Variants in EHF observed in about 807,000 individuals in gnomAD.
The protein encoded by EHF is ESE3 transcription factor.
In EHF, 14 loss-of-function variants were observed where a neutral mutation model predicts 45.1. The ratio of observed to expected loss-of-function variants is 0.31; its 90% confidence interval spans 0.21 to 0.49. The LOEUF (loss-of-function observed/expected upper bound fraction) is 0.49, where lower values mean the gene tolerates loss of function less well. Ranked by LOEUF, EHF falls within the 20% of genes least tolerant of loss-of-function variation. EHF has a pLI of 0.99. For missense variants in EHF, 282 were observed against 371.4 expected (o/e 0.76, Z 1.98); for synonymous variants, 136 against 131.8 (o/e 1.03, Z -0.22).
chr11:34,648,926 A>C (rs1242309490), intron 3 of EHF, 93 bp from the exon 4 acceptor site: 2 of 1,204,576 alleles, frequency 1.7e-6, no homozygotes, highest in Non-Finnish European at 2.4e-6. Context: ...GGATGGCAGA[A>C]GCTCTGCAAA....
intron 6 of EHF, among the ~76,000 whole-genome samples, chr11:34,655,602 T>C (rs1240183530): frequency 6.6e-6 from 1 of 152,226 alleles, no homozygotes; most frequent in East Asian, 1.9e-4. Flanking sequence ...CCTCTGTTTC[T>C]CAGATCCTCC....
chr11:34,627,845 T>C (rs934091721), intron 1 of EHF, among the ~76,000 whole-genome samples: 2 of 152,244 alleles, frequency 1.3e-5, no homozygotes, highest in Non-Finnish European at 2.9e-5. Flanking sequence ...TTAGCTGCAA[T>C]TGTGACTATC....
At chr11:34,641,053 C>T (rs931015471) in intron 1 of EHF, among the ~76,000 whole-genome samples, 25 of 152,120 alleles carry the variant, frequency 1.6e-4, no homozygotes, top group African/African-American at 4.8e-4. Flanking sequence ...GGCTTGGAAT[C>T]GACCCCAGCT....
chr11:34,636,553 A>G (rs1853424554), intron 1 of EHF, among the ~76,000 whole-genome samples: 2 of 152,230 alleles, frequency 1.3e-5, no homozygotes, highest in Admixed American at 1.3e-4. Context: ...TTTACAAATA[A>G]TCTCATTTAG....
chr11:34,652,308 G>A (rs1359185289), intron 6 of EHF, among the ~76,000 whole-genome samples: 1 of 152,208 alleles, frequency 6.6e-6, no homozygotes, highest in Non-Finnish European at 1.5e-5. Context: ...CAGTTTTTAA[G>A]TCTAATTCCG....
In EHF at chr11:34,642,678, C is replaced by T. The variant is rs946292185; in HGVS notation, c.48C>T (p.Asn16=). 4 of 1,613,930 alleles carry T rather than the reference C, an allele frequency of 2.5e-6. No individual in the cohort carries two copies. In the African/African-American group the frequency reaches 4.0e-5, roughly 16 times the overall value. ...GGVMNLNPGN[N]LLHQPPAWTD... is the part of the protein sequence containing the mutation. ...TAATGAATCTCAACCCCGGCAACAA[C>T]CTCCTTCACCAGCCGCCAGCCTGGA... The change falls in exon 2 of 9, where the codon AAC becomes AAT. Residue 16 remains asparagine, a synonymous_variant. Transcript: ENST00000257831.
chr11:34,628,833 G>A (rs1277635390), intron 1 of EHF, among the ~76,000 whole-genome samples: 2 of 152,192 alleles, frequency 1.3e-5, no homozygotes, highest in Non-Finnish European at 2.9e-5. Flanking sequence ...GGAGATGGCT[G>A]ATGTCACGAG....
At chr11:34,622,315 G>GTGCTCCCAGGATGGTGGGAGTGTGTGTTT in intron 1 of EHF, 1 of 757,446 alleles carries the variant, frequency 1.3e-6, no homozygotes, top group Non-Finnish European at 1.9e-6. Context: ...GTCTCTGCTG[G>GTGCTCCCAGGATGGTGGGAGTGTGTGTTT]TTATCTGCAC....
rs1856120317 is a variant in EHF, at chr11:34,662,076, C to A, written c.*3145C>A. ...ATTGGTCTTTTCTCAAAGTTCCTGC[C>A]TTGCTAGACTGTTAGCTCTTTGAGG... On this transcript the variant is annotated 3_prime_UTR_variant, in exon 9 of 9. Coordinates refer to ENST00000257831, the MANE Select transcript of EHF (RefSeq NM_012153.6). 6.6e-6 allele frequency among the ~76,000 whole-genome samples: 1 copy of A among 152,108 alleles called. No individual in the cohort carries two copies. The highest frequency in any genetic ancestry group is 1.5e-5 in the Non-Finnish European group (1 of 67,992).
chr11:34,631,020 T>G (rs2134007763), intron 1 of EHF, among the ~76,000 whole-genome samples: 1 of 152,232 alleles, frequency 6.6e-6, no homozygotes, highest in South Asian at 2.1e-4. Flanking sequence ...AAAGAGATAT[T>G]ATATTATTTT....
At chr11:34,634,776 A>G (rs1390156784) in intron 1 of EHF, among the ~76,000 whole-genome samples, 3 of 152,218 alleles carry the variant, frequency 2.0e-5, no homozygotes, top group South Asian at 4.1e-4. Context: ...ATATATTTGT[A>G]TATAAGCTTG....
intron 6 of EHF, 22 bp from the exon 7 acceptor site, chr11:34,656,886 C>T (rs447228): frequency 0.11 from 178,469 of 1,610,984 alleles, 11,213 homozygotes; most frequent in South Asian, 0.23. Flanking sequence ...GTCAATTAAA[C>T]GCCTCTCATT....
chr11:34,642,518 G>C, intron 1 of EHF, 110 bp from the exon 2 acceptor site: 1 of 702,424 alleles, frequency 1.4e-6, no homozygotes, highest in Non-Finnish European at 2.5e-6. Flanking sequence ...GCAATGGGTG[G>C]AAGGACAAAT....
intron 1 of EHF, among the ~76,000 whole-genome samples, chr11:34,635,447 A>ATT (rs1853292123): frequency 1.8e-5 from 1 of 57,008 alleles, no homozygotes; most frequent in African/African-American, 4.5e-5. Flanking sequence ...CCGAAACCTT[A>ATT]TTCTTTTTTT....
intron 4 of EHF, among the ~76,000 whole-genome samples, chr11:34,649,406 T>A (rs1024273701): frequency 1.3e-5 from 2 of 152,108 alleles, no homozygotes; most frequent in Non-Finnish European, 2.9e-5. Context: ...TTAAAAAGTG[T>A]CAGGGGAGTG....
chr11:34,651,670 A>G (rs929562395), intron 5 of EHF, 60 bp downstream of exon 5: 1 of 1,608,512 alleles, frequency 6.2e-7, no homozygotes, highest in South Asian at 1.1e-5. Context: ...TCTAAGAGCC[A>G]CAGTGTTCTA....
chr11:34,659,014 A>T lies in EHF; in HGVS notation c.*83A>T. On this transcript the variant is annotated 3_prime_UTR_variant, in exon 9 of 9. Transcript: ENST00000257831. ...ACTCCTGGACGTAAATATTTCAAAG[A>T]CTACTTTTCTCTGATATTTATGTAC... 9.3e-7 allele frequency: 1 copy of T among 1,069,952 alleles called. No homozygotes were observed. The highest frequency in any genetic ancestry group is 1.6e-5 in the South Asian group (1 of 61,820). The allele number at this position is 1,069,952 out of a possible 1,614,324, so 66.3% of individuals were successfully genotyped here.
rs1390924323 is a variant in EHF, at chr11:34,634,766, A to C, written c.-3-7862A>C. Among the ~76,000 whole-genome samples the C allele has an allele frequency of 2.0e-5, 3 of 152,202 alleles. No individual in the cohort carries two copies. In the East Asian group the frequency reaches 5.8e-4, roughly 29 times the overall value. ...TATGCATGCATATGAATATATATACATATATTTGTATATAAGCTTGATAAA... is the reference window on the plus strand; with the variant it reads ...TATGCATGCATATGAATATATATACCTATATTTGTATATAAGCTTGATAAA... On this transcript the variant is annotated intron_variant, in intron 1 of 8. Transcript: ENST00000257831.
rs1023777168 is a variant in EHF at position 34,659,352 on chromosome 11, A to T, written c.*421A>T. On this transcript the variant is annotated 3_prime_UTR_variant, in exon 9 of 9. Coordinates refer to ENST00000257831, the MANE Select transcript of EHF (RefSeq NM_012153.6). ...ATGCATCCTCCTCACATAAGCATCC[A>T]TATGGCTTCGTCAAGGGAGGTGAAC... 2.5e-5 allele frequency: 4 copies of T among 158,310 alleles called. No homozygotes were observed. Among genetic ancestry groups the T allele is most frequent in the African/African-American group, 9.6e-5 (4 of 41,508 alleles). The allele number at this position is 158,310 out of a possible 1,614,324, so 9.8% of individuals were successfully genotyped here.
Sources: gnomAD v4.1 joint callset for allele counts (sites outside exome capture counted in the v4.1 genomes callset) on GRCh38, gnomAD v4.1.1 for gene constraint, MANE v1.5 for transcripts, NCBI Gene and HGNC (gene_info 2026-07-23, HGNC 2026-07-21) for gene names.